Variants in BRINP2 observed in about 807,000 individuals in gnomAD.
BRINP2 encodes the protein BMP/retinoic acid-inducible neural-specific protein 2.
Under a neutral mutation model 69.2 loss-of-function variants are expected in BRINP2, and 21 were observed. The observed-to-expected ratio is 0.30, with a 90% confidence interval of 0.22 to 0.44. BRINP2 has a LOEUF of 0.44. Among genes scored for constraint, BRINP2 ranks in the 20% least tolerant of loss-of-function variants. The pLI, the probability that BRINP2 is intolerant of heterozygous loss-of-function variation, is 1.00. For synonymous variants in BRINP2, 380 were observed against 394.1 expected (o/e 0.96, Z 0.42); for missense variants, 877 against 986.0 (o/e 0.89, Z 1.48).
chr1:177,273,115 C>G (rs765690748), intron 4 of BRINP2, among the ~76,000 whole-genome samples: 7 of 152,184 alleles, frequency 4.6e-5, no homozygotes, highest in Non-Finnish European at 8.8e-5. Context: ...TGCAGCTGGG[C>G]TTTCCAGCAG....
At chr1:177,242,670 G>T (rs1454515496) in intron 2 of BRINP2, among the ~76,000 whole-genome samples, 1 of 152,136 alleles carries the variant, frequency 6.6e-6, no homozygotes, top group African/African-American at 2.4e-5. Flanking sequence ...TTGTGCACTT[G>T]TTTATTTCTC....
intron 2 of BRINP2, among the ~76,000 whole-genome samples, chr1:177,236,494 A>C (rs1650032075): frequency 6.6e-6 from 1 of 152,096 alleles, no homozygotes; most frequent in Non-Finnish European, 1.5e-5. Flanking sequence ...TTCATTCAAC[A>C]CCCATTTTTG....
chr1:177,268,109 T>A (rs969809833), intron 4 of BRINP2, among the ~76,000 whole-genome samples: 1 of 152,212 alleles, frequency 6.6e-6, no homozygotes, highest in African/African-American at 2.4e-5. Context: ...GACCCATTGC[T>A]AGACTAAGGA....
At chr1:177,198,035 G>C (rs1648795215) in intron 1 of BRINP2, among the ~76,000 whole-genome samples, 1 of 152,180 alleles carries the variant, frequency 6.6e-6, no homozygotes, top group Non-Finnish European at 1.5e-5. Flanking sequence ...ATTTGCTGAG[G>C]GGGGAGTGCG....
At chr1:177,262,360 A>C (rs1650981985) in intron 4 of BRINP2, among the ~76,000 whole-genome samples, 1 of 152,044 alleles carries the variant, frequency 6.6e-6, no homozygotes, top group Non-Finnish European at 1.5e-5. Context: ...AAAAATACAA[A>C]AATTAGCTGG....
At chr1:177,172,113 G>A (rs1479069228) in intron 1 of BRINP2, among the ~76,000 whole-genome samples, 6 of 152,346 alleles carry the variant, frequency 3.9e-5, no homozygotes, top group African/African-American at 9.6e-5. Flanking sequence ...CCCAGCTGAC[G>A]CTGGGAGGTT....
chr1:177,227,280 C>G (rs1649725660), intron 1 of BRINP2, among the ~76,000 whole-genome samples: 1 of 152,210 alleles, frequency 6.6e-6, no homozygotes, highest in African/African-American at 2.4e-5. Flanking sequence ...CTGCCTTGGC[C>G]TCCAGTATCA....
chr1:177,253,676 G>A (rs1032880765), intron 2 of BRINP2, among the ~76,000 whole-genome samples: 2 of 151,966 alleles, frequency 1.3e-5, no homozygotes, highest in African/African-American at 2.4e-5. Context: ...TGAGTCTTAT[G>A]TTTAAGTCTT....
rs766029756 is a variant in BRINP2, at chr1:177,256,118, C to G, written c.460+9C>G. On this transcript the variant is annotated intron_variant, in intron 3 of 7. Coordinates refer to ENST00000361539, the MANE Select transcript of BRINP2 (RefSeq NM_021165.4). ...TTCTGCCACCCTTGGAGGTAAGCAA[C>G]ATCACAATCCCAAGCTAATTGGTTG... 1.9e-6 allele frequency: 3 copies of G among 1,612,572 alleles called. No individual in the cohort carries two copies. In the South Asian group the frequency reaches 3.3e-5, roughly 18 times the overall value.
chr1:177,268,232 A>G (rs974008442), intron 4 of BRINP2, among the ~76,000 whole-genome samples: 23 of 152,184 alleles, frequency 1.5e-4, no homozygotes, highest in Non-Finnish European at 2.9e-4. Context: ...CTTTGCTCTC[A>G]CACATTTAGT....
intron 1 of BRINP2, among the ~76,000 whole-genome samples, chr1:177,194,042 A>G (rs1391988764): frequency 6.6e-6 from 1 of 152,176 alleles, no homozygotes; most frequent in Non-Finnish European, 1.5e-5. Context: ...TATTGTTGCA[A>G]TGGAAATGTT....
chr1:177,174,059 C>T (rs7514506), intron 1 of BRINP2, among the ~76,000 whole-genome samples: 8,045 of 152,236 alleles, frequency 0.053, 251 homozygotes, highest in Non-Finnish European at 0.061. Context: ...AATCCTCACA[C>T]GGCTTATTGT....
At chr1:177,266,758 TAAAAAAAAAAAAA>T (rs1223096305) in intron 4 of BRINP2, among the ~76,000 whole-genome samples, 1 of 59,344 alleles carries the variant, frequency 1.7e-5, no homozygotes, top group Non-Finnish European at 3.3e-5. Flanking sequence ...AGACTCACTC[TAAAAAAAAAAAAA>T]AAAAAAAAAG....
rs1360001909 is a variant in BRINP2, at chr1:177,281,385, C to T, written c.2209C>T (p.Arg737Ter). Residue 737 changes from arginine (R) to a stop codon, truncating the protein, a stop_gained, in exon 8 of 8, where the codon CGA becomes TGA. Transcript: ENST00000361539. LOFTEE classifies it high-confidence loss of function. Reference protein sequence around the residue: ...VNQLSPPGKVRLDLFSCLLRH... With the variant: ...VNQLSPPGKV ...CCAGCTTTCTCCACCTGGCAAAGTC[C>T]GACTTGACCTTTTCTCCTGCTTGCT... is the stretch of plus-strand genomic sequence containing the variant. The T allele has an allele frequency of 1.9e-6, 3 of 1,613,982 alleles. No homozygotes were observed. The highest frequency in any genetic ancestry group is 1.7e-5 in the Admixed American group (1 of 59,992).
chr1:177,196,917 A>G (rs1209013749), intron 1 of BRINP2, among the ~76,000 whole-genome samples: 3 of 152,146 alleles, frequency 2.0e-5, no homozygotes, highest in Admixed American at 2.0e-4. Context: ...CCATCCTGCT[A>G]TGAACTGAAT....
At chr1:177,269,686 C>G (rs1306166505) in intron 4 of BRINP2, among the ~76,000 whole-genome samples, 1 of 152,174 alleles carries the variant, frequency 6.6e-6, no homozygotes, top group Non-Finnish European at 1.5e-5. Context: ...TCACTCTGCT[C>G]TTAGTTTGCA....
chr1:177,218,632 T>A (rs953134339), intron 1 of BRINP2, among the ~76,000 whole-genome samples: 1 of 152,118 alleles, frequency 6.6e-6, no homozygotes, highest in Non-Finnish European at 1.5e-5. Context: ...GGGAAGCACC[T>A]CAAAATGCTG....
At chr1:177,271,043 C>T (rs924401648) in intron 4 of BRINP2, among the ~76,000 whole-genome samples, 1 of 152,224 alleles carries the variant, frequency 6.6e-6, no homozygotes, top group Non-Finnish European at 1.5e-5. Context: ...ACAGCCAGAA[C>T]ACTGGGGTTG....
chr1:177,266,758 TAA>T (rs1223096305), intron 4 of BRINP2, among the ~76,000 whole-genome samples: 13 of 59,334 alleles, frequency 2.2e-4, no homozygotes, highest in Admixed American at 4.2e-4. Context: ...AGACTCACTC[TAA>T]AAAAAAAAAA....
Sources: allele counts gnomAD v4.1 joint callset (sites outside exome capture counted in the v4.1 genomes callset), GRCh38; gene constraint gnomAD v4.1.1; transcripts MANE v1.5; gene names NCBI Gene and HGNC (gene_info 2026-07-23, HGNC 2026-07-21).